ZFHX2: variants seen among roughly 807,000 people sequenced by gnomAD.
ZFHX2 encodes the protein zinc finger homeobox protein 2.
Under a neutral mutation model 164.8 loss-of-function variants are expected in ZFHX2, and 75 were observed. The observed-to-expected ratio is 0.46, with a 90% CI of 0.38 to 0.55. The LOEUF (loss-of-function observed/expected upper bound fraction) is 0.55, where lower values mean the gene tolerates loss of function less well. Ranked by LOEUF, ZFHX2 falls within the 20% of genes least tolerant of loss-of-function variation. The pLI, the probability that ZFHX2 is intolerant of heterozygous loss-of-function variation, is 0.00. For missense variants in ZFHX2, 2,933 were observed against 3,308.0 expected, an observed-to-expected ratio of 0.89 and a Z score of 2.78; for synonymous variants, 1,217 against 1,351.4, an observed-to-expected ratio of 0.90 and a Z score of 2.18.
At chr14:23,540,772 G>A (rs555795696) in intron 1 of ZFHX2, among the ~76,000 whole-genome samples, 2 of 152,348 alleles carry the variant, frequency 1.3e-5, no homozygotes, top group South Asian at 2.1e-4. Flanking sequence ...GATAGGTAAC[G>A]TGTAAAGTGC....
upstream of ZFHX2, among the ~76,000 whole-genome samples, chr14:23,553,560 T>C (rs1882128512): frequency 7.1e-6 from 1 of 140,706 alleles, no homozygotes; most frequent in Non-Finnish European, 1.5e-5. Context: ...GATCACACCA[T>C]TGCACTCCAG....
chr14:23,535,457 C>G lies in ZFHX2; in HGVS notation c.-49-83G>C. On this transcript the variant is annotated intron_variant, in intron 1 of 9. Coordinates refer to ENST00000419474, the MANE Select transcript of ZFHX2 (RefSeq NM_033400.3). The surrounding 1 kb of genome is among the most constrained non-coding windows in gnomAD (Gnocchi z 4.5). ...GCTGGATCTCTGGATACTCCTGCCC[C>G]ATCCTCTTCCCTGAACACCAGACTC... The G allele has an allele frequency of 8.5e-7, 1 of 1,171,870 alleles. No individual in the cohort carries two copies. Among genetic ancestry groups the G allele is most frequent in the Non-Finnish European group, 1.1e-6 (1 of 895,322 alleles). The allele number at this position is 1,171,870 out of a possible 1,614,324, so 72.6% of individuals were successfully genotyped here. A position where few individuals can be genotyped will look rare whatever the true frequency, so the allele number is the denominator to read the frequency against.
At chr14:23,530,602 A>T in intron 4 of ZFHX2, 1 of 383,726 alleles carries the variant, frequency 2.6e-6, no homozygotes. Context: ...AGGAAGTGGC[A>T]GGTCTAGCTG....
chr14:23,546,079 G>A lies in ZFHX2; in HGVS notation c.-50+5264C>T, dbSNP rs757222530. Reference sequence around the variant, plus strand: ...CACTAGGGAAATGTGCATACATGAAGTTAAATTCCTGCCTACACCCATTCT... The same window carrying A: ...CACTAGGGAAATGTGCATACATGAAATTAAATTCCTGCCTACACCCATTCT... On this transcript the variant is annotated intron_variant, in intron 1 of 9. Transcript: ENST00000419474. The surrounding 1 kb of genome is among the most constrained non-coding windows in gnomAD (Gnocchi z 4.7). Among the ~76,000 whole-genome samples the A allele has an allele frequency of 7.2e-5, 11 of 152,198 alleles. No homozygotes were observed. The highest frequency in any genetic ancestry group is 1.6e-4 in the Non-Finnish European group (11 of 68,042).
chr14:23,546,692 C>T lies in ZFHX2; in HGVS notation c.-50+4651G>A, dbSNP rs7144469. Among the ~76,000 whole-genome samples the T allele has an allele frequency of 6.6e-6, 1 of 151,922 alleles. No individual in the cohort carries two copies. The highest frequency in any genetic ancestry group is 6.5e-5 in the Admixed American group (1 of 15,270). ...GGGCTCTGGGAAAGTGGGTGGTGGGCTGACCGAGCTTAGTGTGAGGAGCTC... is the reference window on the plus strand; with the variant it reads ...GGGCTCTGGGAAAGTGGGTGGTGGGTTGACCGAGCTTAGTGTGAGGAGCTC... On this transcript the variant is annotated intron_variant, in intron 1 of 9. Coordinates refer to ENST00000419474, the MANE Select transcript of ZFHX2 (RefSeq NM_033400.3). The surrounding 1 kb of genome is among the most constrained non-coding windows in gnomAD (Gnocchi z 4.7).
chr14:23,552,583 C>T (rs1176220638), upstream of ZFHX2, among the ~76,000 whole-genome samples: 1 of 150,602 alleles, frequency 6.6e-6, no homozygotes, highest in Admixed American at 6.6e-5. Flanking sequence ...GAACCACCAC[C>T]GCGCCCAGCC....
Position 23,525,253 on chromosome 14 carries a change from A to G in ZFHX2, c.4689T>C (p.Arg1563=), listed in dbSNP as rs756868637. 6.5e-7 allele frequency: 1 copy of G among 1,536,050 alleles called. No homozygotes were observed. The highest frequency in any genetic ancestry group is 1.2e-5 in the South Asian group (1 of 84,062). Residue 1563 remains arginine (R), a synonymous_variant, in exon 9 of 10, where the codon CGT becomes CGC. Transcript: ENST00000419474. This position sits in a 1 kb window ranked among gnomAD's most constrained non-coding sequence, Gnocchi z 5.9. The part of the protein sequence containing the change: ...LVPEPEAGGT[R]APEERSRAGG... The stretch of plus-strand genomic sequence containing the variant: ...CTGCTCGACTTCGCTCTTCAGGGGC[A>G]CGGGTCCCCCCTGCCTCAGGCTCTG...
intron 3 of ZFHX2, chr14:23,532,324 C>G (rs1441956492): frequency 8.9e-6 from 4 of 448,840 alleles, no homozygotes; most frequent in Non-Finnish European, 3.7e-6. Flanking sequence ...CCCCTCCCTC[C>G]AGGGCCAAAC....
Position 23,534,651 on chromosome 14 carries a change from CAT to C in ZFHX2, c.673_674del (p.Met225GlyfsTer49). 6.5e-7 allele frequency: 1 copy of C among 1,536,198 alleles called. No individual in the cohort carries two copies. Among genetic ancestry groups the C allele is most frequent in the Non-Finnish European group, 8.7e-7 (1 of 1,146,924 alleles). ...NPPGDPKDGP[M>X]GNSGGNHVAV... ...CCACGTGGTTGCCCCCGCTGTTCCC[CAT>C]GGGGCCATCTTTGGGATCTCCGGGT... On this transcript the variant is annotated frameshift_variant, in exon 2 of 10. Transcript: ENST00000419474. LOFTEE classifies it high-confidence loss of function. This position sits in a 1 kb window ranked among gnomAD's most constrained non-coding sequence, Gnocchi z 4.5.
intron 7 of ZFHX2, 134 bp from the exon 8 acceptor site, chr14:23,527,107 C>T (rs1381687388): frequency 2.3e-6 from 3 of 1,323,160 alleles, no homozygotes; most frequent in African/African-American, 3.0e-5. Context: ...CTGAACAAAC[C>T]TCCCACCTAA....
chr14:23,548,417 A>G (rs907754300), intron 1 of ZFHX2: 4 of 152,240 alleles, frequency 2.6e-5, no homozygotes, highest in African/African-American at 9.7e-5. Flanking sequence ...CCCGTAGGTG[A>G]TACAGCACCC....
rs1277310912 is a variant in ZFHX2 at position 23,526,209 on chromosome 14, C to T, written c.3733G>A (p.Asp1245Asn). The change falls in exon 9 of 10, where the codon GAC (aspartate) becomes AAC (asparagine). Residue 1245 changes from aspartate (D) to asparagine (N), a missense_variant. Transcript: ENST00000419474. ...CAGACTGTGCACTTAAAGGGCTTGT[C>T]TGTGGCAGCAGTGGTGGTGGGTGGG... The part of the protein sequence containing the change: ...GAPPTTTAAT[D>N]KPFKCTVCRV... 4 of 1,536,390 alleles carry T rather than the reference C, an allele frequency of 2.6e-6. No homozygotes were observed. The highest frequency in any genetic ancestry group is 3.5e-6 in the Non-Finnish European group (4 of 1,146,898).
rs1274298827 is a variant in ZFHX2 at position 23,532,856 on chromosome 14, G to T, written c.2270C>A (p.Thr757Asn). 1.3e-6 allele frequency: 2 copies of T among 1,536,186 alleles called. No individual in the cohort carries two copies. Among genetic ancestry groups the T allele is most frequent in the Non-Finnish European group, 1.7e-6 (2 of 1,146,964 alleles). ...EAEWKEVAGD[T>N]HRCKLCCYGT... ...ATAGCAGCAAAGCTTGCAGCGGTGG[G>T]TGTCACCAGCCACCTCCTTCCATTC... is the stretch of plus-strand genomic sequence containing the variant. The change falls in exon 3 of 10, where the codon ACC (threonine) becomes AAC (asparagine). Residue 757 changes from threonine (T) to asparagine (N), a missense_variant. Physicochemically the swap from Thr to Asn is moderately conservative, Grantham distance 65. Coordinates refer to ENST00000419474, the MANE Select transcript of ZFHX2 (RefSeq NM_033400.3).
In ZFHX2 at chr14:23,545,105, G is replaced by A. The variant is rs904883697; in HGVS notation, c.-50+6238C>T. On this transcript the variant is annotated intron_variant, in intron 1 of 9. Coordinates refer to ENST00000419474, the MANE Select transcript of ZFHX2 (RefSeq NM_033400.3). The stretch of plus-strand genomic sequence containing the variant: ...ATCCTCTTTTCCTTCCCTCTCCCCC[G>A]CCCTTCACGGCTCCAGTTCCTCCCC... Among the ~76,000 whole-genome samples the A allele has an allele frequency of 2.0e-5, 3 of 147,046 alleles. No individual in the cohort carries two copies. In the Admixed American group the frequency reaches 2.0e-4, roughly 10 times the overall value.
rs1486409760 is a variant in ZFHX2 at position 23,529,998 on chromosome 14, AG to A, written c.2875+121del. The A allele has an allele frequency of 3.6e-6, 4 of 1,106,182 alleles. No homozygotes were observed. The East Asian group carries it at 1.0e-4, about 28-fold the overall frequency. The allele number at this position is 1,106,182 out of a possible 1,614,324, so 68.5% of individuals were successfully genotyped here. ...GGCTCAGCCTCCCTTCCCCCTGATG[AG>A]CCCTTTCTTTAATCAGTTTTGCTCC... On this transcript the variant is annotated intron_variant, in intron 5 of 9. Coordinates refer to ENST00000419474, the MANE Select transcript of ZFHX2 (RefSeq NM_033400.3).
Position 23,527,618 on chromosome 14 carries a change from TC to T in ZFHX2, c.3120del (p.Lys1041SerfsTer5). ...HLHNVVPECV[E>X]KLLLVATTVE... The stretch of plus-strand genomic sequence containing the variant: ...CCTGTACTCACTACAAGCAGCAGCT[TC>T]TCAACGCACTCGGGCACCACGTTGT... On this transcript the variant is annotated frameshift_variant, in exon 7 of 10. Transcript: ENST00000419474. LOFTEE classifies it high-confidence loss of function. The T allele has an allele frequency of 6.5e-7, 1 of 1,536,626 alleles. No individual in the cohort carries two copies. The highest frequency in any genetic ancestry group is 8.7e-7 in the Non-Finnish European group (1 of 1,146,994).
intron 1 of ZFHX2, among the ~76,000 whole-genome samples, chr14:23,537,777 G>T (rs936540232): frequency 6.6e-6 from 1 of 152,160 alleles, no homozygotes. Context: ...AATCCATGGT[G>T]GGGGAGAGGG....
In ZFHX2 at chr14:23,523,231, C is replaced by T. The variant is rs1358422717; in HGVS notation, c.6711G>A (p.Pro2237=). ...LLSGPALAQP[P]LGNLAPFNSG... ...AATTGAAAGGAGCTAAGTTGCCCAG[C>T]GGGGGCTGAGCCAGAGCTGGGCCAG... Residue 2237 remains proline (P), a synonymous_variant, in exon 9 of 10, where the codon CCG becomes CCA. Coordinates refer to ENST00000419474, the MANE Select transcript of ZFHX2 (RefSeq NM_033400.3). The surrounding 1 kb of genome is among the most constrained non-coding windows in gnomAD (Gnocchi z 4.1). The T allele has an allele frequency of 2.0e-5, 28 of 1,431,618 alleles. No homozygotes were observed. Among genetic ancestry groups the T allele is most frequent in the East Asian group, 1.3e-4 (5 of 39,552 alleles). The allele number at this position is 1,431,618 out of a possible 1,614,324, so 88.7% of individuals were successfully genotyped here.
At chr14:23,549,323 C>G (rs934472036) in intron 1 of ZFHX2, among the ~76,000 whole-genome samples, 20 of 152,104 alleles carry the variant, frequency 1.3e-4, no homozygotes, top group Non-Finnish European at 1.9e-4. Context: ...CCACCCCTTT[C>G]TTTCTTTAAT....
Sources: gnomAD v4.1 joint callset for allele counts (sites outside exome capture counted in the v4.1 genomes callset) on GRCh38, gnomAD v4.1.1 for gene constraint, Gnocchi (gnomAD v3.1) non-coding constraint, MANE v1.5 for transcripts, NCBI Gene and HGNC (gene_info 2026-07-23, HGNC 2026-07-21) for gene names.